Variants in GLIS1 observed in about 807,000 individuals in gnomAD.
The protein encoded by GLIS1 is GLIS family zinc finger 1.
In GLIS1, 24 loss-of-function variants were observed where a neutral mutation model predicts 63.8. The observed-to-expected ratio is 0.38, with a 90% CI of 0.27 to 0.53. The LOEUF is 0.53. Among genes scored for constraint, GLIS1 ranks in the 20% least tolerant of loss-of-function variants. The probability of loss-of-function intolerance (pLI) is 0.85; values close to 1 mark genes in which losing one functional copy is unlikely to be tolerated. For synonymous variants in GLIS1, 450 were observed against 482.5 expected, an observed-to-expected ratio of 0.93 and a Z score of 0.88; for missense variants, 1,036 against 1,074.1, an observed-to-expected ratio of 0.96 and a Z score of 0.50.
rs368491338 is a variant in GLIS1 at position 53,588,972 on chromosome 1, T to C, written c.1320+5136A>G. 4.6e-5 allele frequency among the ~76,000 whole-genome samples: 7 copies of C among 152,340 alleles called. No homozygotes were observed. In the South Asian group the frequency reaches 6.2e-4, roughly 14 times the overall value. The stretch of plus-strand genomic sequence containing the variant: ...TTCTCCCTCAGGATATCCCATGGGA[T>C]ATGAGCCCAGAACCCCAATCAAATC... On this transcript the variant is annotated intron_variant, in intron 4 of 10. Transcript: ENST00000628545.
At chr1:53,712,022 T>G (rs535698873) in intron 2 of GLIS1, among the ~76,000 whole-genome samples, 162 of 152,350 alleles carry the variant, frequency 1.1e-3, no homozygotes, top group Non-Finnish European at 1.1e-3. Flanking sequence ...AGGGAGTCAT[T>G]CAAGGCCCAG....
intron 2 of GLIS1, among the ~76,000 whole-genome samples, chr1:53,662,325 G>A (rs996593538): frequency 2.0e-5 from 3 of 152,158 alleles, no homozygotes; most frequent in South Asian, 2.1e-4. Flanking sequence ...GTGGGCCCCC[G>A]CAGGACCCAA....
chr1:53,519,998 G>C (rs1644390331), intron 7 of GLIS1, among the ~76,000 whole-genome samples: 1 of 152,210 alleles, frequency 6.6e-6, no homozygotes, highest in East Asian at 1.9e-4. Flanking sequence ...AGCTCTGCAT[G>C]TCCCCATCCT....
At chr1:53,510,162 T>TC (rs1379293952) in intron 8 of GLIS1, 135 bp from the exon 9 acceptor site, 1 of 428,448 alleles carries the variant, frequency 2.3e-6, no homozygotes, top group African/African-American at 2.0e-5. Context: ...TTACAATAGT[T>TC]AGAAGAGGAG....
At chr1:53,701,761 G>A (rs892860295) in intron 2 of GLIS1, among the ~76,000 whole-genome samples, 4 of 152,136 alleles carry the variant, frequency 2.6e-5, no homozygotes, top group Non-Finnish European at 5.9e-5. Context: ...GGGGGGCCGA[G>A]GCCAGTGGAT....
intron 2 of GLIS1, among the ~76,000 whole-genome samples, chr1:53,693,571 C>G (rs937694946): frequency 6.6e-6 from 1 of 152,218 alleles, no homozygotes. Context: ...GCCTCTCACC[C>G]CCGCCCACAG....
At chr1:53,579,491 C>A (rs1308906096) in intron 4 of GLIS1, among the ~76,000 whole-genome samples, 2 of 152,248 alleles carry the variant, frequency 1.3e-5, no homozygotes, top group Admixed American at 6.5e-5. Flanking sequence ...TTTCACCAAC[C>A]AGTTGTCAGG....
intron 7 of GLIS1, 122 bp downstream of exon 7, chr1:53,520,512 T>G: frequency 8.7e-7 from 1 of 1,144,140 alleles, no homozygotes; most frequent in Non-Finnish European, 1.2e-6. Context: ...TCCAGATGAG[T>G]GAGTGCCTGC....
At position 53,594,403 on chromosome 1, in the gene GLIS1, G is replaced by T. The variant is rs376755747; in HGVS notation, c.1025C>A (p.Pro342His). 5.0e-6 allele frequency: 8 copies of T among 1,612,120 alleles called. No homozygotes were observed. The highest frequency in any genetic ancestry group is 2.7e-5 in the African/African-American group (2 of 74,934). Residue 342 changes from proline (P) to histidine (H), a missense_variant, in exon 4 of 11, where the codon CCC (proline) becomes CAC (histidine). Around this residue, in one of 3 missense-constraint regions of GLIS1, gnomAD observed 592 missense variants for 593.9 expected, o/e 1.00. Coordinates refer to ENST00000628545, the MANE Select transcript of GLIS1 (RefSeq NM_001367484.1). ...AGGCGGCAACTGAGACAGGGGATAG[G>T]GGGGCGGCAGGCCCTGCTGGTGAGG... ...FGPHQQGLPPPYPLSQLPPGP... is the reference protein window; with the variant it reads ...FGPHQQGLPPHYPLSQLPPGP...
At chr1:53,673,860 T>C (rs953630709) in intron 2 of GLIS1, among the ~76,000 whole-genome samples, 1 of 152,168 alleles carries the variant, frequency 6.6e-6, no homozygotes, top group African/African-American at 2.4e-5. Context: ...GTCTGACTCC[T>C]CATCAGGGTT....
At chr1:53,581,623 G>T (rs1269254406) in intron 4 of GLIS1, among the ~76,000 whole-genome samples, 1 of 152,182 alleles carries the variant, frequency 6.6e-6, no homozygotes, top group Non-Finnish European at 1.5e-5. Context: ...AGTGGCCAAA[G>T]GTGCTACTTT....
intron 4 of GLIS1, among the ~76,000 whole-genome samples, chr1:53,572,680 G>A (rs1486629063): frequency 6.6e-6 from 1 of 152,246 alleles, no homozygotes; most frequent in Admixed American, 6.5e-5. Context: ...GCCCAGTGCT[G>A]AGAGCTCTCA....
At chr1:53,517,828 G>A (rs1040962246) in intron 7 of GLIS1, among the ~76,000 whole-genome samples, 21 of 152,142 alleles carry the variant, frequency 1.4e-4, no homozygotes, top group African/African-American at 2.2e-4. Flanking sequence ...GCCAGGTCCC[G>A]GCCTGTCCAG....
intron 4 of GLIS1, among the ~76,000 whole-genome samples, chr1:53,573,749 C>T (rs928645712): frequency 6.6e-6 from 1 of 152,210 alleles, no homozygotes; most frequent in African/African-American, 2.4e-5. Flanking sequence ...TGTCAGAAGC[C>T]AGGGTGTCAG....
chr1:53,628,668 C>T (rs1379459871), intron 2 of GLIS1, among the ~76,000 whole-genome samples: 2 of 152,148 alleles, frequency 1.3e-5, no homozygotes, highest in African/African-American at 4.8e-5. Flanking sequence ...ACAGGCACCC[C>T]CTCCACCGTC....
chr1:53,597,297 C>T (rs978407180), intron 3 of GLIS1, among the ~76,000 whole-genome samples: 2 of 146,282 alleles, frequency 1.4e-5, no homozygotes, highest in African/African-American at 2.5e-5. Context: ...GGCGTGAACC[C>T]GGGAGGCGGA....
chr1:53,717,803 A>G (rs1458613895), intron 2 of GLIS1, among the ~76,000 whole-genome samples: 1 of 151,978 alleles, frequency 6.6e-6, no homozygotes, highest in Non-Finnish European at 1.5e-5. Flanking sequence ...GAGTACAGAC[A>G]TTTTTTGCCT....
chr1:53,514,969 T>C lies in GLIS1; in HGVS notation c.1727-188A>G, dbSNP rs777740696. Among the ~76,000 whole-genome samples, 4 of 152,120 alleles carry C rather than the reference T, an allele frequency of 2.6e-5. No homozygotes were observed. In the South Asian group the frequency reaches 8.3e-4, roughly 32 times the overall value. The stretch of plus-strand genomic sequence containing the variant: ...TGGCCCCACTCCACTCAGTTCAGCC[T>C]TGCAGGCCCTGGCTAAAGGGCTGTG... On this transcript the variant is annotated intron_variant, in intron 7 of 10. Transcript: ENST00000628545.
At chr1:53,729,323 C>T (rs1177273469) in intron 2 of GLIS1, among the ~76,000 whole-genome samples, 1 of 152,152 alleles carries the variant, frequency 6.6e-6, no homozygotes, top group Non-Finnish European at 1.5e-5. Flanking sequence ...CCTGCCTCAA[C>T]GAGAAGCCCT....
Sources: gnomAD v4.1 joint callset for allele counts (sites outside exome capture counted in the v4.1 genomes callset) on GRCh38, gnomAD v4.1.1 for gene constraint, gnomAD v4.1.1 regional missense constraint, MANE v1.5 for transcripts, NCBI Gene and HGNC (gene_info 2026-07-23, HGNC 2026-07-21) for gene names.